Variants in ZNF133 observed in about 807,000 individuals in gnomAD.
ZNF133 encodes zinc finger protein 133 (clone pHZ-13).
In ZNF133, 26 loss-of-function variants were observed where a neutral mutation model predicts 54.9. The ratio of observed to expected loss-of-function variants is 0.47; its 90% CI spans 0.35 to 0.66. The LOEUF (loss-of-function observed/expected upper bound fraction) is 0.66. ZNF133 is among the 30% of genes least tolerant of loss of function. ZNF133 has a pLI of 0.01. For missense variants in ZNF133, 653 were observed against 820.8 expected, an observed-to-expected ratio of 0.80 and a Z score of 2.50; for synonymous variants, 298 against 320.3, an observed-to-expected ratio of 0.93 and a Z score of 0.74.
At chr20:18,302,124 G>T (rs1310142466) in intron 3 of ZNF133, among the ~76,000 whole-genome samples, 1 of 152,180 alleles carries the variant, frequency 6.6e-6, no homozygotes, top group Non-Finnish European at 1.5e-5. Flanking sequence ...TATATGGCCG[G>T]GCACGGTGGC....
rs1383267980 is a variant in ZNF133, at chr20:18,315,992, C to A, written c.1141C>A (p.Pro381Thr). The change falls in exon 7 of 7, where the codon CCC (proline) becomes ACC (threonine). Residue 381 changes from proline (P) to threonine (T), a missense_variant. Physicochemically the swap from Pro to Thr is conservative, Grantham distance 38. This residue lies in a region of ZNF133 where 292 missense variants were observed against 431.6 expected (regional missense o/e 0.68). Transcript: ENST00000425686. ...SHQRTHSGEKPYACKECGRCF... is the reference protein window; with the variant it reads ...SHQRTHSGEKTYACKECGRCF... ...CCAGAGGACGCACTCTGGGGAGAAG[C>A]CCTACGCCTGCAAGGAGTGTGGGCG... 1 of 1,614,004 alleles carries A rather than the reference C, an allele frequency of 6.2e-7. No individual in the cohort carries two copies. Among genetic ancestry groups the A allele is most frequent in the Non-Finnish European group, 8.5e-7 (1 of 1,179,998 alleles).
In ZNF133 at chr20:18,306,329, C is replaced by G. The variant is rs2044584422; in HGVS notation, c.153C>G (p.Thr51=). ...CATTTTCTAAACCAGAACTCATCAC[C>G]CAGCTGGAGCAAGGGAAAGAGACCT... ...GISFSKPELI[T]QLEQGKETWR... is the part of the protein sequence containing the mutation. Residue 51 remains threonine, a synonymous_variant, in exon 6 of 7, where the codon ACC becomes ACG. Coordinates refer to ENST00000425686, the MANE Select transcript of ZNF133 (RefSeq NM_001352452.2). 1.2e-6 allele frequency: 2 copies of G among 1,613,864 alleles called. No homozygotes were observed. The highest frequency in any genetic ancestry group is 3.3e-5 in the Admixed American group (2 of 59,956).
At chr20:18,297,154 T>A (rs950631985) in intron 1 of ZNF133, among the ~76,000 whole-genome samples, 3 of 152,214 alleles carry the variant, frequency 2.0e-5, no homozygotes, top group Non-Finnish European at 4.4e-5. Flanking sequence ...TATATGAATA[T>A]TACTTCTTTG....
intron 6 of ZNF133, chr20:18,310,062 T>C (rs1174951524): frequency 1.6e-5 from 18 of 1,096,046 alleles, no homozygotes; most frequent in Non-Finnish European, 2.1e-5. Flanking sequence ...CTGAAAAGTA[T>C]AGAATTATCA....
chr20:18,310,515 T>A (rs2045652666), intron 6 of ZNF133, among the ~76,000 whole-genome samples: 7 of 152,158 alleles, frequency 4.6e-5, no homozygotes, highest in Admixed American at 4.6e-4. Flanking sequence ...TTAAGTGAAA[T>A]GAGCCAGTCA....
chr20:18,316,502 A>G lies in ZNF133; in HGVS notation c.1651A>G (p.Met551Val), dbSNP rs2047536269. 2.5e-6 allele frequency: 4 copies of G among 1,614,178 alleles called. No homozygotes were observed. Among genetic ancestry groups the G allele is most frequent in the Non-Finnish European group, 3.4e-6 (4 of 1,180,018 alleles). The change falls in exon 7 of 7, where the codon ATG (methionine) becomes GTG (valine). Residue 551 changes from methionine (M) to valine (V), a missense_variant. Physicochemically the swap from Met to Val is conservative, Grantham distance 21. Coordinates refer to ENST00000425686, the MANE Select transcript of ZNF133 (RefSeq NM_001352452.2). ...GAAGCACTCGAGGGAGAAGCCCTAC[A>G]TGTGCAGGCAGTGTGGACTGGGCTT... ...KRKHSREKPY[M>V]CRQCGLGFGN...
At position 18,305,563 on chromosome 20, in the gene ZNF133, G is replaced by A. The variant is rs1490975487; in HGVS notation, c.-6-118G>A. 1 of 1,445,452 alleles carries A rather than the reference G, an allele frequency of 6.9e-7. No homozygotes were observed. Among genetic ancestry groups the A allele is most frequent in the South Asian group, 1.2e-5 (1 of 82,528 alleles). The allele number at this position is 1,445,452 out of a possible 1,614,324, so 89.5% of individuals were successfully genotyped here. A position where few individuals can be genotyped will look rare whatever the true frequency, so the allele number is the denominator to read the frequency against. On this transcript the variant is annotated intron_variant, in intron 4 of 6. Transcript: ENST00000425686. The surrounding 1 kb of genome is among the most constrained non-coding windows in gnomAD (Gnocchi z 4.7). ...AAAAGTCTTGGAACACATGGCACCA[G>A]GGTCACTGGGATCTTGATATCTCAC...
intron 1 of ZNF133, among the ~76,000 whole-genome samples, chr20:18,292,889 G>C (rs1013937461): frequency 6.6e-6 from 1 of 152,234 alleles, no homozygotes; most frequent in Non-Finnish European, 1.5e-5. Flanking sequence ...ACAGAGACTG[G>C]CAGGAGGCTT....
rs1339415085 is a variant in ZNF133 at position 18,301,599 on chromosome 20, A to G, written c.-178+3135A>G. On this transcript the variant is annotated intron_variant, in intron 3 of 6. Transcript: ENST00000425686. ...GTGAGGACATTACTATTGTTTCTAC[A>G]GAAGTAAAAAGGATTGTACAAGAGA... Among the ~76,000 whole-genome samples the G allele has an allele frequency of 3.9e-5, 6 of 152,260 alleles. No individual in the cohort carries two copies. The East Asian group carries it at 1.2e-3, about 29-fold the overall frequency.
intron 6 of ZNF133, among the ~76,000 whole-genome samples, chr20:18,309,994 G>T (rs1216119680): frequency 6.6e-6 from 1 of 152,142 alleles, no homozygotes; most frequent in Admixed American, 6.5e-5. Context: ...GGTGGAGGCT[G>T]GGAAAATGCT....
intron 3 of ZNF133, among the ~76,000 whole-genome samples, chr20:18,303,049 AT>A (rs745480370): frequency 0.017 from 2,377 of 142,270 alleles, 16 homozygotes; most frequent in Middle Eastern, 0.022. Flanking sequence ...CTGGAAAACT[AT>A]TTTTTTTTTT....
chr20:18,298,168 C>CT, intron 2 of ZNF133, 106 bp downstream of exon 2: 1 of 1,514,924 alleles, frequency 6.6e-7, no homozygotes, highest in Admixed American at 2.0e-5. Flanking sequence ...TCCAATTCCT[C>CT]TTACTTGCTC....
chr20:18,310,310 T>C (rs1240071916), intron 6 of ZNF133: 1 of 1,531,660 alleles, frequency 6.5e-7, no homozygotes, highest in Non-Finnish European at 8.7e-7. Context: ...GTTCTAGGTA[T>C]AAAATACATC....
chr20:18,314,540 G>C (rs1240702934), intron 6 of ZNF133: 3 of 152,288 alleles, frequency 2.0e-5, no homozygotes, highest in Non-Finnish European at 4.4e-5. Context: ...TGGGGAGACA[G>C]CAGCTCGGGT....
Position 18,305,270 on chromosome 20 carries a change from A to G in ZNF133, c.-7+92A>G. 1.1e-6 allele frequency: 1 copy of G among 917,376 alleles called. No homozygotes were observed. Among genetic ancestry groups the G allele is most frequent in the African/African-American group, 1.8e-5 (1 of 55,640 alleles). 56.8% of individuals were successfully genotyped at this position (917,376 alleles called of 1,614,324 possible). On this transcript the variant is annotated intron_variant, in intron 4 of 6. Coordinates refer to ENST00000425686, the MANE Select transcript of ZNF133 (RefSeq NM_001352452.2). This position sits in a 1 kb window ranked among gnomAD's most constrained non-coding sequence, Gnocchi z 4.7. ...GCTTCACTACTCTCTGCTTGTGACCATCAGGCCCGAGAAAGCCAAGCCGTA... is the reference window on the plus strand; with the variant it reads ...GCTTCACTACTCTCTGCTTGTGACCGTCAGGCCCGAGAAAGCCAAGCCGTA...
chr20:18,314,978 A>G, intron 6 of ZNF133, 91 bp from the exon 7 acceptor site: 4 of 1,327,228 alleles, frequency 3.0e-6, no homozygotes, highest in Non-Finnish European at 4.1e-6. Context: ...CTTAAGGCCT[A>G]AGTGTTTTGA....
chr20:18,293,464 A>C (rs563599372), intron 1 of ZNF133, among the ~76,000 whole-genome samples: 1 of 152,354 alleles, frequency 6.6e-6, no homozygotes, highest in East Asian at 1.9e-4. Context: ...AGAGCTCCCA[A>C]GAGTGAAAGC....
At chr20:18,309,224 G>A (rs2045328660) in intron 6 of ZNF133, among the ~76,000 whole-genome samples, 1 of 152,142 alleles carries the variant, frequency 6.6e-6, no homozygotes, top group African/African-American at 2.4e-5. Flanking sequence ...TCACATTAGG[G>A]ATTACAGCTT....
intron 1 of ZNF133, among the ~76,000 whole-genome samples, chr20:18,294,469 G>A (rs1310938958): frequency 6.6e-6 from 1 of 152,174 alleles, no homozygotes; most frequent in African/African-American, 2.4e-5. Flanking sequence ...ATTAAAGTCT[G>A]TAGTTTATAG....
Sources: allele counts gnomAD v4.1 joint callset (sites outside exome capture counted in the v4.1 genomes callset), GRCh38; gene constraint gnomAD v4.1.1; regional missense constraint gnomAD v4.1.1; non-coding constraint Gnocchi (gnomAD v3.1); transcripts MANE v1.5; gene names NCBI Gene and HGNC (gene_info 2026-07-23, HGNC 2026-07-21).